The following WWOX variants were observed in gnomAD, a reference collection of about 807,000 sequenced individuals.
The protein encoded by WWOX is WW domain containing oxidoreductase, also known as WW domain-containing oxidoreductase.
WWOX carries 69 observed loss-of-function variants against 46.2 expected under a neutral mutation model. The ratio of observed to expected loss-of-function variants is 1.49; its 90% CI spans 1.23 to 1.82. The LOEUF is 1.82. Among genes scored for constraint, WWOX ranks in the 40% most tolerant of loss-of-function variants. WWOX has a pLI of 0.00. For missense variants in WWOX, 919 were observed against 542.6 expected (o/e 1.69, Z -6.89); for synonymous variants, 359 against 202.6 (o/e 1.77, Z -6.56).
At chr16:78,182,276 G>A (rs1387341759) in intron 5 of WWOX, among the ~76,000 whole-genome samples, 3 of 152,134 alleles carry the variant, frequency 2.0e-5, no homozygotes, top group African/African-American at 7.2e-5. Context: ...GTGGTACCTA[G>A]CGTGTGCTTT....
At chr16:78,352,448 C>G (rs2081204888) in intron 5 of WWOX, among the ~76,000 whole-genome samples, 1 of 152,200 alleles carries the variant, frequency 6.6e-6, no homozygotes, top group African/African-American at 2.4e-5. Flanking sequence ...TTCCAGCTTC[C>G]AGGGACTGCC....
intron 8 of WWOX, among the ~76,000 whole-genome samples, chr16:78,578,408 G>C (rs1250905709): frequency 2.0e-5 from 3 of 146,596 alleles, no homozygotes; most frequent in Admixed American, 6.9e-5. Context: ...TCCTGCCTCA[G>C]CCTCCTGAGT....
At chr16:79,184,594 C>A (rs2050976931) in intron 8 of WWOX, among the ~76,000 whole-genome samples, 1 of 152,182 alleles carries the variant, frequency 6.6e-6, no homozygotes, top group African/African-American at 2.4e-5. Context: ...AAGCTCCAGC[C>A]CTGTAGTGCC....
At chr16:78,870,302 A>G (rs1046478072) in intron 8 of WWOX, among the ~76,000 whole-genome samples, 2 of 152,136 alleles carry the variant, frequency 1.3e-5, no homozygotes, top group South Asian at 2.1e-4. Context: ...ATAGACACAC[A>G]TTACTTCTTT....
chr16:78,417,644 G>C (rs7188869), intron 6 of WWOX, among the ~76,000 whole-genome samples: 12 of 152,032 alleles, frequency 7.9e-5, no homozygotes, highest in Admixed American at 6.6e-4. Context: ...GTTTTTAGCA[G>C]TGGTCCTGTC....
chr16:78,993,805 A>G (rs1238335929), intron 8 of WWOX, among the ~76,000 whole-genome samples: 2 of 152,170 alleles, frequency 1.3e-5, no homozygotes, highest in African/African-American at 4.8e-5. Flanking sequence ...TGCAGCTTGG[A>G]TGGCATCGGA....
At chr16:79,072,086 C>T (rs2048561937) in intron 8 of WWOX, among the ~76,000 whole-genome samples, 2 of 151,986 alleles carry the variant, frequency 1.3e-5, no homozygotes, top group South Asian at 4.1e-4. Flanking sequence ...AGTTTGAGAC[C>T]AGCTTGGCCA....
intron 8 of WWOX, among the ~76,000 whole-genome samples, chr16:78,635,912 T>G (rs2046556405): frequency 6.6e-6 from 1 of 152,078 alleles, no homozygotes; most frequent in Non-Finnish European, 1.5e-5. Flanking sequence ...GAAAAGTGCC[T>G]CGTATTATAC....
At chr16:78,519,473 A>G (rs542763667) in intron 8 of WWOX, among the ~76,000 whole-genome samples, 4 of 151,504 alleles carry the variant, frequency 2.6e-5, no homozygotes, top group Non-Finnish European at 5.9e-5. Flanking sequence ...TTCTTCATTT[A>G]TATTATACAT....
intron 8 of WWOX, among the ~76,000 whole-genome samples, chr16:78,595,564 T>G (rs2151609108): frequency 6.6e-6 from 1 of 152,322 alleles, no homozygotes; most frequent in South Asian, 2.1e-4. Flanking sequence ...CCCACCACAG[T>G]TAGCTATCAG....
intron 8 of WWOX, among the ~76,000 whole-genome samples, chr16:78,529,553 G>A (rs2043568296): frequency 6.6e-6 from 1 of 151,926 alleles, no homozygotes; most frequent in Admixed American, 6.6e-5. Context: ...TGCAACCTCC[G>A]CCTCTCGAGT....
At chr16:78,395,867 T>G (rs546448805) in intron 6 of WWOX, among the ~76,000 whole-genome samples, 23 of 152,338 alleles carry the variant, frequency 1.5e-4, no homozygotes, top group African/African-American at 4.8e-4. Flanking sequence ...GAGTAAATGC[T>G]TAGATTCCAT....
intron 8 of WWOX, among the ~76,000 whole-genome samples, chr16:78,752,628 T>C (rs1378416508): frequency 6.6e-6 from 1 of 152,210 alleles, no homozygotes; most frequent in African/African-American, 2.4e-5. Context: ...TTAAACTCAC[T>C]TTCAAATCAT....
At chr16:78,705,691 T>C (rs1202462039) in intron 8 of WWOX, among the ~76,000 whole-genome samples, 1 of 152,224 alleles carries the variant, frequency 6.6e-6, no homozygotes, top group African/African-American at 2.4e-5. Context: ...TTTATTTATT[T>C]ATTTGCTTTT....
chr16:78,409,469 T>G (rs796951773), intron 6 of WWOX, among the ~76,000 whole-genome samples: 1 of 152,288 alleles, frequency 6.6e-6, no homozygotes, highest in South Asian at 2.1e-4. Flanking sequence ...ATATTCTGGG[T>G]GTCGCTTTTG....
chr16:78,516,342 A>T (rs931529616), intron 8 of WWOX, among the ~76,000 whole-genome samples: 5 of 152,164 alleles, frequency 3.3e-5, no homozygotes, highest in South Asian at 2.1e-4. Context: ...GGTCACAAAC[A>T]TACCTCCAGG....
At chr16:78,720,220 A>C (rs573876949) in intron 8 of WWOX, among the ~76,000 whole-genome samples, 11 of 152,116 alleles carry the variant, frequency 7.2e-5, no homozygotes, top group Non-Finnish European at 1.5e-4. Flanking sequence ...CTTAAGGCCC[A>C]CTGTGATTCG....
chr16:78,399,016 C>CT (rs1398512597), intron 6 of WWOX, among the ~76,000 whole-genome samples: 1 of 145,672 alleles, frequency 6.9e-6, no homozygotes, highest in African/African-American at 2.7e-5. Context: ...GAGTGGCTGG[C>CT]TGGCTAGATG....
At chr16:78,651,213 C>A (rs117304528) in intron 8 of WWOX, among the ~76,000 whole-genome samples, 4 of 152,350 alleles carry the variant, frequency 2.6e-5, no homozygotes, top group East Asian at 1.9e-4. Flanking sequence ...ACTTAATCTG[C>A]CCTCTTTCAC....
Sources: allele counts gnomAD v4.1 joint callset (sites outside exome capture counted in the v4.1 genomes callset), GRCh38; gene constraint gnomAD v4.1.1; transcripts MANE v1.5; gene names NCBI Gene and HGNC (gene_info 2026-07-23, HGNC 2026-07-21).